The following CCDC39 variants were observed in gnomAD, a reference collection of about 807,000 sequenced individuals.
CCDC39 encodes the protein coiled-coil domain-containing protein 39.
A neutral mutation model predicts 121.0 loss-of-function variants in CCDC39; 113 were observed. That is an observed-to-expected ratio of 0.93 (90% CI 0.80 to 1.09). The LOEUF is 1.09. CCDC39 is among the 50% of genes least tolerant of loss of function. The pLI is 0.00. For synonymous variants in CCDC39, 349 were observed against 352.2 expected (o/e 0.99, Z 0.10); for missense variants, 1,063 against 1,074.7 (o/e 0.99, Z 0.15).
At chr3:180,639,630 G>T (rs144283625) in intron 13 of CCDC39, among the ~76,000 whole-genome samples, 8 of 152,140 alleles carry the variant, frequency 5.3e-5, no homozygotes, top group African/African-American at 1.4e-4. Context: ...CTTGTGGGGG[G>T]TGGAGTGTGA....
intron 14 of CCDC39, among the ~76,000 whole-genome samples, chr3:180,625,950 C>T (rs539274881): frequency 6.6e-6 from 1 of 152,108 alleles, no homozygotes; most frequent in East Asian, 1.9e-4. Flanking sequence ...AAGGCTGATT[C>T]TTGGGCCTCT....
At chr3:180,676,081 T>C (rs896290506) in intron 1 of CCDC39, among the ~76,000 whole-genome samples, 18 of 152,262 alleles carry the variant, frequency 1.2e-4, no homozygotes, top group South Asian at 2.1e-4. Flanking sequence ...GACATAGGCA[T>C]GGGCAAGGAC....
intron 16 of CCDC39, among the ~76,000 whole-genome samples, chr3:180,618,391 C>T (rs541100997): frequency 3.3e-4 from 50 of 151,810 alleles, no homozygotes; most frequent in Non-Finnish European, 6.5e-4. Flanking sequence ...CAATGTTTAG[C>T]GCCTGCTTAC....
At chr3:180,664,130 G>T in intron 1 of CCDC39, 144 bp from the exon 2 acceptor site, 1 of 686,006 alleles carries the variant, frequency 1.5e-6, no homozygotes, top group Non-Finnish European at 2.3e-6. Context: ...AGACTAGGTA[G>T]CTTAAACAAA....
chr3:180,657,611 C>T (rs1711613293), intron 6 of CCDC39, among the ~76,000 whole-genome samples: 1 of 152,224 alleles, frequency 6.6e-6, no homozygotes. Flanking sequence ...GCTATTGCCA[C>T]AAGCAGCTAT....
intron 8 of CCDC39, among the ~76,000 whole-genome samples, chr3:180,651,812 C>T (rs997425182): frequency 6.6e-6 from 1 of 152,088 alleles, no homozygotes. Flanking sequence ...CCAAGGCGGG[C>T]AGATCACGAG....
intron 13 of CCDC39, among the ~76,000 whole-genome samples, chr3:180,640,975 G>A (rs933571970): frequency 6.6e-6 from 1 of 152,048 alleles, no homozygotes; most frequent in African/African-American, 2.4e-5. Context: ...AAGGACAGTA[G>A]AGCAAGGAGA....
At chr3:180,667,220 C>T (rs1711900924) in intron 1 of CCDC39, among the ~76,000 whole-genome samples, 1 of 152,100 alleles carries the variant, frequency 6.6e-6, no homozygotes, top group African/African-American at 2.4e-5. Context: ...AAGATATTTT[C>T]AGAGATTCAA....
chr3:180,669,133 T>A (rs1355526864), intron 1 of CCDC39, among the ~76,000 whole-genome samples: 1 of 152,206 alleles, frequency 6.6e-6, no homozygotes, highest in Non-Finnish European at 1.5e-5. Context: ...TCCTTTGATT[T>A]GAAATGCATT....
In CCDC39 at chr3:180,616,367, G is replaced by A. The variant is rs1576929567; in HGVS notation, c.2587-4C>T. On this transcript the variant is annotated splice_polypyrimidine_tract_variant and splice_region_variant and intron_variant, in intron 18 of 19. Transcript: ENST00000476379. Reference sequence around the variant, plus strand: ...CTGTAGGTAGTTCTAACCCACTCTGGAGGAATATTCAATAGCAATCATTAG... The same window carrying A: ...CTGTAGGTAGTTCTAACCCACTCTGAAGGAATATTCAATAGCAATCATTAG... 2 of 1,608,466 alleles carry A rather than the reference G, an allele frequency of 1.2e-6. No homozygotes were observed. Among genetic ancestry groups the A allele is most frequent in the South Asian group, 2.2e-5 (2 of 90,822 alleles).
chr3:180,676,687 C>T (rs1344987045), intron 1 of CCDC39, among the ~76,000 whole-genome samples: 6 of 152,172 alleles, frequency 3.9e-5, no homozygotes, highest in Non-Finnish European at 7.3e-5. Flanking sequence ...TAGACACATG[C>T]ACACGTATGT....
intron 1 of CCDC39, among the ~76,000 whole-genome samples, chr3:180,673,090 C>T (rs61465216): frequency 0.038 from 5,764 of 152,242 alleles, 377 homozygotes; most frequent in African/African-American, 0.13. Flanking sequence ...GAGGAGTTGT[C>T]TCTTACAGAT....
At chr3:180,670,542 G>A (rs1712011169) in intron 1 of CCDC39, among the ~76,000 whole-genome samples, 1 of 151,718 alleles carries the variant, frequency 6.6e-6, no homozygotes, top group Non-Finnish European at 1.5e-5. Context: ...TTTTACTAGT[G>A]GAAAAACACA....
chr3:180,668,301 C>T (rs185946977), intron 1 of CCDC39, among the ~76,000 whole-genome samples: 14 of 152,200 alleles, frequency 9.2e-5, no homozygotes, highest in Admixed American at 2.6e-4. Context: ...ATCACTTGAG[C>T]CTGGGAGACA....
intron 7 of CCDC39, among the ~76,000 whole-genome samples, chr3:180,652,893 A>G (rs1406708313): frequency 6.6e-6 from 1 of 152,186 alleles, no homozygotes; most frequent in African/African-American, 2.4e-5. Context: ...TCAAGAAAAC[A>G]ATCCCATTTA....
chr3:180,673,846 G>T lies in CCDC39; in HGVS notation c.90+5445C>A, dbSNP rs890505834. On this transcript the variant is annotated intron_variant, in intron 1 of 19. Coordinates refer to ENST00000476379, the MANE Select transcript of CCDC39 (RefSeq NM_181426.2). ...GAAGTAGGGGGCAGAAGGAATAGAA[G>T]AGTACCTTGAAGAGCTGATGCTTTA... Among the ~76,000 whole-genome samples, 2 of 151,910 alleles carry T rather than the reference G, an allele frequency of 1.3e-5. 1 individual carries two copies. Among genetic ancestry groups the T allele is most frequent in the Middle Eastern group, 6.8e-3 (2 of 294 alleles).
intron 14 of CCDC39, among the ~76,000 whole-genome samples, chr3:180,625,213 ACT>A (rs1230180068): frequency 1.4e-5 from 2 of 139,882 alleles, no homozygotes; most frequent in Non-Finnish European, 3.1e-5. Context: ...GGCCTTGTTC[ACT>A]CTTTTTTATT....
chr3:180,658,280 C>T (rs774109747), intron 6 of CCDC39, among the ~76,000 whole-genome samples: 7 of 136,038 alleles, frequency 5.1e-5, no homozygotes, highest in Admixed American at 7.7e-5. Context: ...AAAGAACCTC[C>T]TTAAAAAAAA....
rs1175544197 is a variant in CCDC39, at chr3:180,636,583, T to C, written c.1875-4991A>G. ...TTTTTATAGAACTAGAAAAAAACTA[T>C]TTTAAAATTCATATGGAACCAAAAA... On this transcript the variant is annotated intron_variant, in intron 13 of 19. Coordinates refer to ENST00000476379, the MANE Select transcript of CCDC39 (RefSeq NM_181426.2). Among the ~76,000 whole-genome samples the C allele has an allele frequency of 2.0e-5, 3 of 149,560 alleles. No individual in the cohort carries two copies. In the East Asian group the frequency reaches 5.9e-4, roughly 30 times the overall value.
Sources: allele counts gnomAD v4.1 joint callset (sites outside exome capture counted in the v4.1 genomes callset), GRCh38; gene constraint gnomAD v4.1.1; transcripts MANE v1.5; gene names NCBI Gene and HGNC (gene_info 2026-07-23, HGNC 2026-07-21).